Variants in VWA3B observed in about 807,000 individuals in gnomAD.
The protein encoded by VWA3B is von Willebrand factor A domain-containing protein 3B.
In VWA3B, 138 loss-of-function variants were observed where a neutral mutation model predicts 158.3. The observed-to-expected ratio is 0.87, with a 90% CI of 0.76 to 1.00. VWA3B has a LOEUF of 1.00. VWA3B is among the 50% of genes least tolerant of loss of function. The probability of loss-of-function intolerance (pLI) is 0.00; values close to 1 mark genes in which losing one functional copy is unlikely to be tolerated. For missense variants in VWA3B, 1,555 were observed against 1,565.1 expected, an observed-to-expected ratio of 0.99 and a Z score of 0.11; for synonymous variants, 596 against 587.3, an observed-to-expected ratio of 1.01 and a Z score of -0.21.
chr2:98,139,805 A>G (rs1054599765), intron 7 of VWA3B, among the ~76,000 whole-genome samples: 8 of 152,134 alleles, frequency 5.3e-5, no homozygotes, highest in South Asian at 2.1e-4. Context: ...CAGATAAGAG[A>G]ATAAAAGCAG....
intron 11 of VWA3B, among the ~76,000 whole-genome samples, chr2:98,193,410 A>G (rs1479938432): frequency 6.6e-5 from 10 of 152,144 alleles, no homozygotes. Flanking sequence ...GCTGGTGTTT[A>G]GAAGCTCCCA....
At chr2:98,222,904 A>G (rs13430738) in intron 14 of VWA3B, among the ~76,000 whole-genome samples, 25,377 of 152,182 alleles carry the variant, frequency 0.17, 2,452 homozygotes, top group Non-Finnish European at 0.2. Flanking sequence ...CTTCTCACAC[A>G]ATAGGAAATA....
In VWA3B at chr2:98,312,492, T is replaced by A; in HGVS notation, c.*143T>A. 1.0e-6 allele frequency: 1 copy of A among 987,650 alleles called. No individual in the cohort carries two copies. The highest frequency in any genetic ancestry group is 1.6e-5 in the African/African-American group (1 of 61,206). 61.2% of individuals were successfully genotyped at this position (987,650 alleles called of 1,614,324 possible). A position where few individuals can be genotyped will look rare whatever the true frequency, so the allele number is the denominator to read the frequency against. Reference sequence around the variant, plus strand: ...TGCCTGCCCTGTCTGTAGCAAAGACTCCTCTCCCCTCCATCCCTGCTGCCT... The same window carrying A: ...TGCCTGCCCTGTCTGTAGCAAAGACACCTCTCCCCTCCATCCCTGCTGCCT... On this transcript the variant is annotated 3_prime_UTR_variant, in exon 28 of 28. Transcript: ENST00000477737.
At chr2:98,191,422 A>G (rs944917153) in intron 10 of VWA3B, among the ~76,000 whole-genome samples, 1 of 152,122 alleles carries the variant, frequency 6.6e-6, no homozygotes, top group Admixed American at 6.5e-5. Context: ...TTAACTTTAC[A>G]TTATCAGGTA....
chr2:98,102,382 T>C (rs771454191), intron 2 of VWA3B, among the ~76,000 whole-genome samples: 13 of 152,178 alleles, frequency 8.5e-5, no homozygotes, highest in Non-Finnish European at 1.5e-4. Context: ...CAATGGTCGC[T>C]GTCTTTTCGG....
At chr2:98,234,123 G>A (rs1471583114) in intron 16 of VWA3B, among the ~76,000 whole-genome samples, 2 of 152,220 alleles carry the variant, frequency 1.3e-5, no homozygotes, top group Admixed American at 6.5e-5. Context: ...TGAATATGAT[G>A]ACACGTCACT....
Position 98,228,270 on chromosome 2 carries a change from C to T in VWA3B, c.2088C>T (p.Asp696=). Residue 696 remains aspartate (D), a synonymous_variant, in exon 15 of 28, where the codon GAC becomes GAT. Coordinates refer to ENST00000477737, the MANE Select transcript of VWA3B (RefSeq NM_144992.5). ...ACAGTGATCTGGAGAAGATGCAAGA[C>T]CTTTATTCTGAGTCCTTGATCATGG... ...QGHSDLEKMQ[D]LYSESLIMDW... The T allele has an allele frequency of 6.2e-7, 1 of 1,614,026 alleles. No homozygotes were observed. Among genetic ancestry groups the T allele is most frequent in the Non-Finnish European group, 8.5e-7 (1 of 1,179,986 alleles).
At position 98,116,763 on chromosome 2, in the gene VWA3B, C is replaced by T. The variant is rs143239744; in HGVS notation, c.291+1017C>T. 2.2e-3 allele frequency among the ~76,000 whole-genome samples: 331 copies of T among 152,338 alleles called. 1 individual carries two copies. In the Middle Eastern group the frequency reaches 0.024, roughly 11 times the overall value. ...TCAAGCAATCCGCCTGCCTGGGCCT[C>T]CCATCTGCCTTGGCCTCAACCTCAT... On this transcript the variant is annotated intron_variant, in intron 3 of 27. Transcript: ENST00000477737.
At chr2:98,128,695 G>T (rs570043061) in intron 6 of VWA3B, among the ~76,000 whole-genome samples, 86 of 152,170 alleles carry the variant, frequency 5.7e-4, no homozygotes, top group Middle Eastern at 3.4e-3. Context: ...TACTCACTGG[G>T]GCACACTTTC....
chr2:98,120,493 T>C (rs970324646), intron 4 of VWA3B, among the ~76,000 whole-genome samples: 2 of 152,204 alleles, frequency 1.3e-5, no homozygotes, highest in African/African-American at 2.4e-5. Context: ...ACTGAAGGAA[T>C]CAAGTGCTTA....
intron 9 of VWA3B, 40 bp from the exon 10 acceptor site, chr2:98,187,935 A>G (rs1031255103): frequency 4.5e-6 from 7 of 1,540,570 alleles, no homozygotes; most frequent in East Asian, 2.3e-5. Context: ...TTCTCTTTGG[A>G]CAGTTTCTGA....
In VWA3B at chr2:98,264,859, G is replaced by A. The variant is rs375132316; in HGVS notation, c.2844-5823G>A. Among the ~76,000 whole-genome samples, 167 of 152,046 alleles carry A rather than the reference G, an allele frequency of 1.1e-3. 1 individual carries two copies. The highest frequency in any genetic ancestry group is 3.8e-3 in the African/African-American group (159 of 41,352). ...TGTCTATTTCTTCAGTTCTGTCAAA[G>A]CTTGTTTTATGTATCTGAGAGCTCT... is the stretch of plus-strand genomic sequence containing the variant. On this transcript the variant is annotated intron_variant, in intron 21 of 27. Coordinates refer to ENST00000477737, the MANE Select transcript of VWA3B (RefSeq NM_144992.5).
At chr2:98,260,675 C>A (rs1447689671) in intron 21 of VWA3B, among the ~76,000 whole-genome samples, 5 of 151,624 alleles carry the variant, frequency 3.3e-5, no homozygotes, top group Admixed American at 2.0e-4. Flanking sequence ...GTCTATGCCT[C>A]CCTATGATTC....
chr2:98,128,087 C>T lies in VWA3B; in HGVS notation c.703-152C>T, dbSNP rs1573842750. Reference sequence around the variant, plus strand: ...CTTGAATATCTCACTTCCTGACTGGCCCTGATGTCCTCAGAAAACCCTGGG... The same window carrying T: ...CTTGAATATCTCACTTCCTGACTGGTCCTGATGTCCTCAGAAAACCCTGGG... On this transcript the variant is annotated intron_variant, in intron 5 of 27. Coordinates refer to ENST00000477737, the MANE Select transcript of VWA3B (RefSeq NM_144992.5). 2.1e-5 allele frequency: 18 copies of T among 849,494 alleles called. No individual in the cohort carries two copies. The East Asian group carries it at 4.4e-4, about 21-fold the overall frequency. 52.6% of individuals were successfully genotyped at this position (849,494 alleles called of 1,614,324 possible). A position where few individuals can be genotyped will look rare whatever the true frequency, so the allele number is the denominator to read the frequency against.
chr2:98,095,470 T>C (rs1682647648), intron 2 of VWA3B, among the ~76,000 whole-genome samples: 1 of 152,210 alleles, frequency 6.6e-6, no homozygotes, highest in Non-Finnish European at 1.5e-5. Flanking sequence ...TTGTTAATTT[T>C]GTAGTCTGCA....
chr2:98,312,210 T>C lies in VWA3B; in HGVS notation c.3746T>C (p.Leu1249Pro). Residue 1249 changes from leucine to proline, a missense_variant, in exon 28 of 28, where the codon CTC becomes CCC. Leu to Pro is a moderately conservative substitution (Grantham distance 98). Transcript: ENST00000477737. ...GTHPEPRTAHLHFPAAGRLGL... is the reference protein window; with the variant it reads ...GTHPEPRTAHPHFPAAGRLGL... ...ACTCTGCTTCCCCAGACAGCCCACCTCCACTTCCCCGCGGCCGGGCGTCTA... is the reference window on the plus strand; with the variant it reads ...ACTCTGCTTCCCCAGACAGCCCACCCCCACTTCCCCGCGGCCGGGCGTCTA... 6.2e-7 allele frequency: 1 copy of C among 1,614,064 alleles called. No individual in the cohort carries two copies. Among genetic ancestry groups the C allele is most frequent in the African/African-American group, 1.3e-5 (1 of 74,988 alleles).
chr2:98,129,263 A>T (rs1205315490), intron 6 of VWA3B, among the ~76,000 whole-genome samples: 3 of 117,454 alleles, frequency 2.6e-5, no homozygotes, highest in African/African-American at 1.0e-4. Context: ...GTGTGTGGAG[A>T]GAGAGGGAGG....
At chr2:98,198,819 A>T (rs1682278497) in intron 12 of VWA3B, among the ~76,000 whole-genome samples, 1 of 151,966 alleles carries the variant, frequency 6.6e-6, no homozygotes, top group South Asian at 2.1e-4. Flanking sequence ...ATAACACTTG[A>T]CCCCTGCCTG....
At chr2:98,326,996 A>C in the VWA3B span, among the ~76,000 whole-genome samples, 1 of 130,930 alleles carries the variant, frequency 7.6e-6, no homozygotes, top group Non-Finnish European at 1.6e-5. Context: ...GAGTCACTTG[A>C]AAAAAAAAAA....
Sources: gnomAD v4.1 joint callset for allele counts (sites outside exome capture counted in the v4.1 genomes callset) on GRCh38, gnomAD v4.1.1 for gene constraint, MANE v1.5 for transcripts, NCBI Gene and HGNC (gene_info 2026-07-23, HGNC 2026-07-21) for gene names.